The following CCSER2 variants were observed in gnomAD, a reference collection of about 807,000 sequenced individuals.
The protein encoded by CCSER2 is serine-rich coiled-coil domain-containing protein 2.
Under a neutral mutation model 92.3 loss-of-function variants are expected in CCSER2, and 46 were observed. The observed-to-expected ratio is 0.50, with a 90% confidence interval of 0.39 to 0.64. The LOEUF is 0.64. CCSER2 is among the 30% of genes least tolerant of loss of function. The pLI, the probability that CCSER2 is intolerant of heterozygous loss-of-function variation, is 0.00. For missense variants in CCSER2, 1,244 were observed against 1,238.9 expected (o/e 1.00, Z -0.06); for synonymous variants, 433 against 431.4 (o/e 1.00, Z -0.04).
chr10:84,453,967 T>A (rs1034635948), intron 6 of CCSER2, among the ~76,000 whole-genome samples: 1 of 152,194 alleles, frequency 6.6e-6, no homozygotes, highest in South Asian at 2.1e-4. Flanking sequence ...TTTACTTGCT[T>A]TTAGCTGTTT....
In CCSER2 at chr10:84,515,881, T is replaced by A. The variant is rs990697107; in HGVS notation, c.*1614T>A. 3.9e-5 allele frequency: 6 copies of A among 152,322 alleles called. No homozygotes were observed. The highest frequency in any genetic ancestry group is 1.9e-4 in the East Asian group (1 of 5,186). The allele number at this position is 152,322 out of a possible 1,614,324, so 9.4% of individuals were successfully genotyped here. A position where few individuals can be genotyped will look rare whatever the true frequency, so the allele number is the denominator to read the frequency against. On this transcript the variant is annotated 3_prime_UTR_variant, in exon 10 of 10. Coordinates refer to ENST00000372088, the MANE Select transcript of CCSER2 (RefSeq NM_001284240.2). ...ATGCTACCATGTGCACAAACCTAAT[T>A]ATGCTTTGGGTCACTTGTCAGTTCA...
At chr10:84,475,371 A>G (rs1847078139) in intron 8 of CCSER2, among the ~76,000 whole-genome samples, 1 of 152,198 alleles carries the variant, frequency 6.6e-6, no homozygotes, top group Non-Finnish European at 1.5e-5. Flanking sequence ...ATATATGTTG[A>G]CATGTCACTA....
At chr10:84,422,641 TGAA>T (rs1224519137) in intron 4 of CCSER2, among the ~76,000 whole-genome samples, 1 of 152,192 alleles carries the variant, frequency 6.6e-6, no homozygotes, top group African/African-American at 2.4e-5. Context: ...TGGGATACCT[TGAA>T]GTTCACCAGT....
chr10:84,466,302 T>C (rs1846424950), intron 7 of CCSER2, among the ~76,000 whole-genome samples: 1 of 152,156 alleles, frequency 6.6e-6, no homozygotes, highest in South Asian at 2.1e-4. Context: ...AAAGTCTCCA[T>C]TGGACCTACC....
At chr10:84,441,918 G>A (rs1193374260) in intron 6 of CCSER2, among the ~76,000 whole-genome samples, 1 of 151,448 alleles carries the variant, frequency 6.6e-6, no homozygotes, top group Admixed American at 6.6e-5. Context: ...CACCACGCCC[G>A]GCTAATTTCT....
chr10:84,348,861 A>G (rs1282629905), intron 1 of CCSER2, among the ~76,000 whole-genome samples: 1 of 151,962 alleles, frequency 6.6e-6, no homozygotes, highest in Non-Finnish European at 1.5e-5. Context: ...TTTTCTTACC[A>G]TTTGCTCTCT....
intron 9 of CCSER2, among the ~76,000 whole-genome samples, chr10:84,501,834 A>AAAATATATATATATATATATATATACTC (rs1167460274): frequency 5.0e-5 from 2 of 40,148 alleles, no homozygotes; most frequent in African/African-American, 9.4e-5. Context: ...AAAAAAAAAA[A>AAAATATATATATATATATATATATACTC]ATATATATAT....
At chr10:84,496,134 A>G (rs1278450024) in intron 9 of CCSER2, among the ~76,000 whole-genome samples, 1 of 152,152 alleles carries the variant, frequency 6.6e-6, no homozygotes, top group Non-Finnish European at 1.5e-5. Context: ...AACTATATAT[A>G]GTCTACTACA....
intron 6 of CCSER2, among the ~76,000 whole-genome samples, chr10:84,441,707 C>A (rs1844546065): frequency 8.4e-6 from 1 of 119,544 alleles, no homozygotes; most frequent in Non-Finnish European, 1.7e-5. Flanking sequence ...TGATTTTATG[C>A]TGGGAATAAA....
rs184509057 is a variant in CCSER2 at position 84,452,849 on chromosome 10, A to G, written c.2065-11084A>G. 3.2e-3 allele frequency among the ~76,000 whole-genome samples: 486 copies of G among 151,496 alleles called. 10 individuals carry two copies. Among genetic ancestry groups the G allele is most frequent in the Admixed American group, 0.024 (368 of 15,226 alleles). Reference sequence around the variant, plus strand: ...CCCGCCGCCCCCCTCCCCCCACCAAATGTTTCCTAATTTTGGCCTGGGCAC... The same window carrying G: ...CCCGCCGCCCCCCTCCCCCCACCAAGTGTTTCCTAATTTTGGCCTGGGCAC... On this transcript the variant is annotated intron_variant, in intron 6 of 9. Coordinates refer to ENST00000372088, the MANE Select transcript of CCSER2 (RefSeq NM_001284240.2).
At chr10:84,403,513 A>G (rs1384337124) in intron 3 of CCSER2, among the ~76,000 whole-genome samples, 1 of 152,242 alleles carries the variant, frequency 6.6e-6, no homozygotes. Context: ...GCGTGGGAGA[A>G]GAACTTTGCA....
At chr10:84,377,689 G>C (rs943465003) in intron 3 of CCSER2, among the ~76,000 whole-genome samples, 8 of 152,142 alleles carry the variant, frequency 5.3e-5, no homozygotes, top group African/African-American at 1.9e-4. Context: ...GATTTTGAAT[G>C]GGATTGCATT....
chr10:84,352,916 A>T (rs1254994888), intron 1 of CCSER2, among the ~76,000 whole-genome samples: 1 of 151,774 alleles, frequency 6.6e-6, no homozygotes, highest in Non-Finnish European at 1.5e-5. Flanking sequence ...TCAGCCTCCC[A>T]AGTAGCTGGG....
At chr10:84,457,658 ATTTTT>A (rs1428857713) in intron 6 of CCSER2, among the ~76,000 whole-genome samples, 48 of 112,862 alleles carry the variant, frequency 4.3e-4, no homozygotes, top group African/African-American at 1.6e-3. Flanking sequence ...TAATTATATT[ATTTTT>A]AATTTTAGTT....
chr10:84,459,323 T>A (rs1034968736), intron 6 of CCSER2, among the ~76,000 whole-genome samples: 3 of 152,206 alleles, frequency 2.0e-5, no homozygotes, highest in African/African-American at 7.2e-5. Context: ...CCATACATTC[T>A]GTGTCTAAAT....
At chr10:84,398,377 A>G (rs886310026) in intron 3 of CCSER2, among the ~76,000 whole-genome samples, 10 of 152,198 alleles carry the variant, frequency 6.6e-5, no homozygotes, top group Non-Finnish European at 1.5e-4. Flanking sequence ...CCTCTTTGCT[A>G]TGTAAGCTAT....
chr10:84,391,991 C>T, intron 3 of CCSER2: 1 of 1,334,836 alleles, frequency 7.5e-7, no homozygotes, highest in Admixed American at 1.7e-5. Flanking sequence ...GGAGGCATTT[C>T]TCTGACCAGT....
intron 9 of CCSER2, among the ~76,000 whole-genome samples, chr10:84,502,028 G>T (rs1294900985): frequency 6.7e-6 from 1 of 148,750 alleles, no homozygotes; most frequent in Non-Finnish European, 1.5e-5. Flanking sequence ...GAGCTTGAAA[G>T]GTTCCTTTAG....
chr10:84,447,174 CTG>C (rs2133564283), intron 6 of CCSER2, among the ~76,000 whole-genome samples: 1 of 152,222 alleles, frequency 6.6e-6, no homozygotes, highest in African/African-American at 2.4e-5. Flanking sequence ...AAAAACCAAA[CTG>C]TTTTCCAAAG....
Sources: allele counts gnomAD v4.1 joint callset (sites outside exome capture counted in the v4.1 genomes callset), GRCh38; gene constraint gnomAD v4.1.1; transcripts MANE v1.5; gene names NCBI Gene and HGNC (gene_info 2026-07-23, HGNC 2026-07-21).